Variants in TBC1D2 observed in about 807,000 individuals in gnomAD.
TBC1D2 encodes the protein TBC1 domain family member 2A.
Under a neutral mutation model 91.1 loss-of-function variants are expected in TBC1D2, and 58 were observed. The ratio of observed to expected loss-of-function variants is 0.64; its 90% CI spans 0.52 to 0.79. TBC1D2 has a LOEUF of 0.79. Among genes scored for constraint, TBC1D2 ranks in the 30% least tolerant of loss-of-function variants. The pLI is 0.00. For missense variants in TBC1D2, 1,080 were observed against 1,208.3 expected (o/e 0.89, Z 1.57); for synonymous variants, 482 against 511.5 (o/e 0.94, Z 0.78).
intron 6 of TBC1D2, among the ~76,000 whole-genome samples, chr9:98,213,925 C>T (rs1235837534): frequency 1.3e-5 from 2 of 152,210 alleles, no homozygotes; most frequent in East Asian, 3.8e-4. Context: ...GAGCTCCCTG[C>T]TGCTGGGGCA....
intron 11 of TBC1D2, among the ~76,000 whole-genome samples, chr9:98,200,993 G>A (rs537391273): frequency 6.6e-6 from 1 of 151,050 alleles, no homozygotes; most frequent in Non-Finnish European, 1.5e-5. Flanking sequence ...TACAGCCTTG[G>A]TGACAGAGCA....
At chr9:98,222,301 A>G (rs1022469396) in intron 5 of TBC1D2, among the ~76,000 whole-genome samples, 13 of 152,200 alleles carry the variant, frequency 8.5e-5, no homozygotes, top group South Asian at 8.3e-4. Context: ...CATTCTCAAT[A>G]TAGCAGCCAG....
intron 4 of TBC1D2, among the ~76,000 whole-genome samples, chr9:98,231,530 T>A (rs1014407382): frequency 6.6e-6 from 1 of 152,176 alleles, no homozygotes; most frequent in African/African-American, 2.4e-5. Flanking sequence ...GGTTTTGTGT[T>A]AGATGATTTT....
chr9:98,245,085 A>G (rs190514675), intron 2 of TBC1D2, among the ~76,000 whole-genome samples: 41 of 152,068 alleles, frequency 2.7e-4, no homozygotes, highest in Middle Eastern at 3.4e-3. Flanking sequence ...CTAAAAATAC[A>G]AAAAATTAGC....
chr9:98,252,040 A>G (rs1829884877), intron 1 of TBC1D2, 114 bp from the exon 2 acceptor site: 1 of 1,386,370 alleles, frequency 7.2e-7, no homozygotes. Context: ...CAGGAAAAAA[A>G]AAAGGGGGTC....
At chr9:98,217,184 G>A (rs1043922642) in intron 6 of TBC1D2, among the ~76,000 whole-genome samples, 10 of 152,198 alleles carry the variant, frequency 6.6e-5, no homozygotes, top group Non-Finnish European at 1.5e-4. Flanking sequence ...TTGAGTGCTC[G>A]TCTTGGCTCA....
chr9:98,236,876 G>C (rs761875591), intron 3 of TBC1D2, among the ~76,000 whole-genome samples: 2 of 151,898 alleles, frequency 1.3e-5, no homozygotes, highest in African/African-American at 4.8e-5. Flanking sequence ...TAGCAGTTGG[G>C]GATATGGGAG....
intron 11 of TBC1D2, among the ~76,000 whole-genome samples, chr9:98,200,805 C>T (rs1055532656): frequency 6.6e-6 from 1 of 152,106 alleles, no homozygotes; most frequent in African/African-American, 2.4e-5. Flanking sequence ...CATCTGAGGT[C>T]AGGAGTTCGA....
At position 98,244,393 on chromosome 9, in the gene TBC1D2, T is replaced by C. The variant is rs1402861233; in HGVS notation, c.512-264A>G. ...TGCAGACCTGGCTGGGAGCGGTGGC[T>C]CATGCCTGTAATCTCAGCAATTTGG... On this transcript the variant is annotated intron_variant, in intron 2 of 12. Transcript: ENST00000465784. Among the ~76,000 whole-genome samples, 3 of 152,132 alleles carry C rather than the reference T, an allele frequency of 2.0e-5. No homozygotes were observed. In the East Asian group the frequency reaches 5.8e-4, roughly 29 times the overall value.
chr9:98,231,798 C>T (rs1829376440), intron 4 of TBC1D2, among the ~76,000 whole-genome samples: 1 of 152,134 alleles, frequency 6.6e-6, no homozygotes, highest in Non-Finnish European at 1.5e-5. Flanking sequence ...GTTCCAGTTG[C>T]TGTAAGAATT....
intron 6 of TBC1D2, among the ~76,000 whole-genome samples, chr9:98,216,373 GC>G (rs1160943677): frequency 1.3e-5 from 2 of 150,424 alleles, no homozygotes; most frequent in Admixed American, 1.3e-4. Flanking sequence ...AATACAACAA[GC>G]CCCCCCGCAA....
chr9:98,200,235 G>C lies in TBC1D2; in HGVS notation c.2579+18C>G, dbSNP rs1193623802. ...GGTGTGTGAGTGGTGGGAGTGGCAG[G>C]GGGTGGGGGTTCCTCACCGGCTGTT... On this transcript the variant is annotated intron_variant, in intron 12 of 12. Coordinates refer to ENST00000465784, the MANE Select transcript of TBC1D2 (RefSeq NM_001267571.2). 6.2e-7 allele frequency: 1 copy of C among 1,613,114 alleles called. No individual in the cohort carries two copies. Among genetic ancestry groups the C allele is most frequent in the Admixed American group, 1.7e-5 (1 of 59,818 alleles).
chr9:98,223,506 G>A (rs1451336390), intron 5 of TBC1D2, among the ~76,000 whole-genome samples: 3 of 152,232 alleles, frequency 2.0e-5, no homozygotes, highest in Non-Finnish European at 4.4e-5. Flanking sequence ...AAAACTGGGG[G>A]CCTAGGCCAT....
At chr9:98,230,638 C>T (rs1026335987) in intron 4 of TBC1D2, among the ~76,000 whole-genome samples, 1 of 152,140 alleles carries the variant, frequency 6.6e-6, no homozygotes, top group African/African-American at 2.4e-5. Flanking sequence ...AGTGCAAAAA[C>T]AGTACCTTGC....
chr9:98,201,500 G>T lies in TBC1D2; in HGVS notation c.2436C>A (p.Ala812=). 1.2e-6 allele frequency: 2 copies of T among 1,614,038 alleles called. No homozygotes were observed. The highest frequency in any genetic ancestry group is 1.7e-6 in the Non-Finnish European group (2 of 1,179,946). ...ISNILLRVWD[A]FLYEGTKVVF... is the part of the protein sequence containing the mutation. ...CTACCTTCGTCCCCTCGTACAGGAAGGCATCCCAGACCCGAAGGAGGATGT... is the reference window on the plus strand; with the variant it reads ...CTACCTTCGTCCCCTCGTACAGGAATGCATCCCAGACCCGAAGGAGGATGT... Residue 812 remains alanine (A), a synonymous_variant, in exon 11 of 13, where the codon GCC becomes GCA. Coordinates refer to ENST00000465784, the MANE Select transcript of TBC1D2 (RefSeq NM_001267571.2).
At chr9:98,242,135 A>G (rs1441524191) in intron 3 of TBC1D2, among the ~76,000 whole-genome samples, 1 of 152,168 alleles carries the variant, frequency 6.6e-6, no homozygotes, top group Non-Finnish European at 1.5e-5. Flanking sequence ...GTTCATCTGA[A>G]GTCCACATGG....
At chr9:98,223,361 T>G (rs1435792896) in intron 5 of TBC1D2, among the ~76,000 whole-genome samples, 1 of 152,098 alleles carries the variant, frequency 6.6e-6, no homozygotes, top group African/African-American at 2.4e-5. Context: ...GTGGGAGCCC[T>G]GGGGTGTGGC....
At position 98,221,185 on chromosome 9, in the gene TBC1D2, T is replaced by C; in HGVS notation, c.1022A>G (p.Gln341Arg). ...GTATGCGCTGGACGCCCGCTTCTCC[T>C]GCTGGGCGGCCTCCAGTGCCTTGTG... Reference protein sequence around the residue: ...ILHKALEAAQQEKRASSAYLA... With the variant: ...ILHKALEAAQREKRASSAYLA... The change falls in exon 6 of 13, where the codon CAG becomes CGG. Residue 341 changes from glutamine (Q) to arginine (R), a missense_variant. Gln to Arg is a conservative substitution (Grantham distance 43). Transcript: ENST00000465784. 6.4e-7 allele frequency: 1 copy of C among 1,557,512 alleles called. No homozygotes were observed. Among genetic ancestry groups the C allele is most frequent in the Non-Finnish European group, 8.7e-7 (1 of 1,150,350 alleles).
chr9:98,201,759 T>C, intron 10 of TBC1D2, 95 bp from the exon 11 acceptor site: 2 of 1,290,430 alleles, frequency 1.5e-6, no homozygotes, highest in Non-Finnish European at 2.1e-6. Flanking sequence ...CCACACACAA[T>C]CCTGAAGCTG....
Sources: gnomAD v4.1 joint callset for allele counts (sites outside exome capture counted in the v4.1 genomes callset) on GRCh38, gnomAD v4.1.1 for gene constraint, MANE v1.5 for transcripts, NCBI Gene and HGNC (gene_info 2026-07-23, HGNC 2026-07-21) for gene names.